BTRC: variants seen among roughly 807,000 people sequenced by gnomAD.
BTRC encodes the protein beta-transducin repeat containing E3 ubiquitin protein ligase.
Under a neutral mutation model 85.5 loss-of-function variants are expected in BTRC, and 42 were observed. That is an observed-to-expected ratio of 0.49 (90% CI 0.38 to 0.64). The LOEUF is 0.64. Ranked by LOEUF, BTRC falls within the 30% of genes least tolerant of loss-of-function variation. The pLI, the probability that BTRC is intolerant of heterozygous loss-of-function variation, is 0.00. For missense variants in BTRC, 594 were observed against 743.5 expected (o/e 0.80, Z 2.34); for synonymous variants, 255 against 263.3 (o/e 0.97, Z 0.30).
intron 1 of BTRC, among the ~76,000 whole-genome samples, chr10:101,405,575 G>A (rs1943600390): frequency 6.6e-6 from 1 of 152,106 alleles, no homozygotes; most frequent in Non-Finnish European, 1.5e-5. Context: ...GATACTGGAG[G>A]AATAATAAAA....
chr10:101,374,323 G>A (rs946820350), intron 1 of BTRC, among the ~76,000 whole-genome samples: 1 of 152,054 alleles, frequency 6.6e-6, no homozygotes, highest in Non-Finnish European at 1.5e-5. Context: ...GTGATGATGA[G>A]CATTTTTTCA....
At chr10:101,389,863 G>A (rs557996241) in intron 1 of BTRC, among the ~76,000 whole-genome samples, 5 of 152,110 alleles carry the variant, frequency 3.3e-5, no homozygotes, top group African/African-American at 9.6e-5. Flanking sequence ...GGGTTCAAGC[G>A]ATCTGTCTAC....
chr10:101,420,511 C>A (rs889572944), intron 1 of BTRC, among the ~76,000 whole-genome samples: 8 of 152,104 alleles, frequency 5.3e-5, no homozygotes, highest in African/African-American at 1.9e-4. Context: ...GCCATCCCCC[C>A]ACCCTCCACT....
intron 4 of BTRC, among the ~76,000 whole-genome samples, chr10:101,479,678 C>T (rs1284279689): frequency 6.6e-6 from 1 of 152,194 alleles, no homozygotes. Context: ...ACTCTTTAGA[C>T]TGATTCACAT....
chr10:101,354,515 A>G lies in BTRC; in HGVS notation c.48+287A>G, dbSNP rs549222168. 20 of 464,960 alleles carry G rather than the reference A, an allele frequency of 4.3e-5. No individual in the cohort carries two copies. In the South Asian group the frequency reaches 5.7e-4, roughly 13 times the overall value. The allele number at this position is 464,960 out of a possible 1,614,324, so 28.8% of individuals were successfully genotyped here. ...GGCGGCGCGCGGGGCCCTGGAGGGA[A>G]AGGGGCGTGGGGACTGTTACTGAAA... On this transcript the variant is annotated intron_variant, in intron 1 of 14. Transcript: ENST00000370187.
At chr10:101,459,596 A>G (rs969447637) in intron 2 of BTRC, among the ~76,000 whole-genome samples, 1 of 152,144 alleles carries the variant, frequency 6.6e-6, no homozygotes, top group African/African-American at 2.4e-5. Flanking sequence ...GGTTTCCCCC[A>G]TTTTTTGTTT....
chr10:101,427,116 T>TC (rs1201552894), intron 1 of BTRC, among the ~76,000 whole-genome samples: 15 of 59,082 alleles, frequency 2.5e-4, no homozygotes, highest in East Asian at 8.1e-4. Context: ...TTTCTTTCTT[T>TC]TTTTTTTTTT....
At chr10:101,474,837 G>A (rs559653498) in intron 3 of BTRC, among the ~76,000 whole-genome samples, 24 of 152,212 alleles carry the variant, frequency 1.6e-4, no homozygotes, top group South Asian at 4.1e-4. Flanking sequence ...CCCATTTTCC[G>A]TCTTTTTTAA....
At chr10:101,522,076 A>C (rs1255192378) in intron 5 of BTRC, among the ~76,000 whole-genome samples, 1 of 108,990 alleles carries the variant, frequency 9.2e-6, no homozygotes, top group Non-Finnish European at 1.7e-5. Flanking sequence ...CCTGTCGCCC[A>C]GGCTGGAATG....
At chr10:101,392,680 T>G (rs1564744780) in intron 1 of BTRC, among the ~76,000 whole-genome samples, 1 of 151,952 alleles carries the variant, frequency 6.6e-6, no homozygotes, top group African/African-American at 2.4e-5. Context: ...TTTTGTAGTT[T>G]TAGTAGAGAC....
chr10:101,354,144 G>T, upstream of BTRC: 17 of 1,547,992 alleles, frequency 1.1e-5, no homozygotes, highest in Non-Finnish European at 1.5e-5. Flanking sequence ...CAAAGGGGCG[G>T]CCCCGGCGGA....
At position 101,526,073 on chromosome 10, in the gene BTRC, G is replaced by C. The variant is rs374149155; in HGVS notation, c.617G>C (p.Cys206Ser). ...TCATACCTGGATGCCAAATCACTAT[G>C]TGCTGCTGAACTTGTGTGCAAGGAA... ...ILSYLDAKSL[C>S]AAELVCKEWY... The change falls in exon 6 of 15, where the codon TGT becomes TCT. Residue 206 changes from cysteine to serine, a missense_variant. Transcript: ENST00000370187. 3.7e-6 allele frequency: 6 copies of C among 1,614,026 alleles called. No homozygotes were observed. In the African/African-American group the frequency reaches 6.7e-5, roughly 18 times the overall value.
Position 101,555,865 on chromosome 10 carries a change from C to T in BTRC, c.*2742C>T, listed in dbSNP as rs781043254. The T allele has an allele frequency of 2.0e-5, 3 of 152,188 alleles. No individual in the cohort carries two copies. The highest frequency in any genetic ancestry group is 2.9e-5 in the Non-Finnish European group (2 of 68,034). The allele number at this position is 152,188 out of a possible 1,614,324, so 9.4% of individuals were successfully genotyped here. A position where few individuals can be genotyped will look rare whatever the true frequency, so the allele number is the denominator to read the frequency against. ...CTTTCTTAAAGACAGGCTGAAACCC[C>T]TTCAAAGGCAGATGAGGAGGTACAG... On this transcript the variant is annotated 3_prime_UTR_variant, in exon 15 of 15. Transcript: ENST00000370187.
rs1331619923 is a variant in BTRC, at chr10:101,521,696, G to T, written c.382G>T (p.Ala128Ser). 1.2e-6 allele frequency: 2 copies of T among 1,614,026 alleles called. No homozygotes were observed. The highest frequency in any genetic ancestry group is 1.7e-6 in the Non-Finnish European group (2 of 1,180,044). The change falls in exon 5 of 15, where the codon GCA becomes TCA. Residue 128 changes from alanine to serine, a missense_variant. Around this residue, in one of 4 missense-constraint regions of BTRC, gnomAD observed 163 missense variants for 180.5 expected, o/e 0.90. Coordinates refer to ENST00000370187, the MANE Select transcript of BTRC (RefSeq NM_033637.4). ...TGTGCCCAAGCAACGGAAACTCTCA[G>T]CAAGCTATGAAAAGGAAAAGGAACT... Reference protein sequence around the residue: ...MIVPKQRKLSASYEKEKELCV... With the variant: ...MIVPKQRKLSSSYEKEKELCV...
intron 1 of BTRC, among the ~76,000 whole-genome samples, chr10:101,411,541 T>C (rs1177887556): frequency 6.6e-6 from 1 of 152,226 alleles, no homozygotes; most frequent in African/African-American, 2.4e-5. Flanking sequence ...TCGGGTTCAC[T>C]GATCTTCTAC....
At chr10:101,461,520 A>G (rs1945225727) in intron 2 of BTRC, among the ~76,000 whole-genome samples, 1 of 152,206 alleles carries the variant, frequency 6.6e-6, no homozygotes. Context: ...ACTTTTATCA[A>G]AGAAAATAAA....
chr10:101,366,869 A>T (rs12413769), intron 1 of BTRC, among the ~76,000 whole-genome samples: 6,568 of 21,276 alleles, frequency 0.31, 1,880 homozygotes, highest in African/African-American at 0.61. Context: ...TTTATATATT[A>T]ATATATATTT....
Position 101,389,115 on chromosome 10 carries a change from G to GTTTTTTTTTTTTTTTTTTTTTTTTT in BTRC, c.48+34888_48+34889insTTTTTTTTTTTTTTTTTTTTTTTTT, listed in dbSNP as rs1471017781. ...ATGTTGCATAATTGTGATTTTTTGT[G>GTTTTTTTTTTTTTTTTTTTTTTTTT]TGTGTTTTTTTTTTTTTTTTTTTTT... On this transcript the variant is annotated intron_variant, in intron 1 of 14. Transcript: ENST00000370187. Among the ~76,000 whole-genome samples, 9 of 35,462 alleles carry GTTTTTTTTTTTTTTTTTTTTTTTTT rather than the reference G, an allele frequency of 2.5e-4. 3 individuals carry two copies. The highest frequency in any genetic ancestry group is 1.0e-3 in the Admixed American group (3 of 2,978). The allele number at this position is 35,462 out of a possible 152,430, so 23.3% of individuals were successfully genotyped here.
Position 101,535,355 on chromosome 10 carries a change from T to G in BTRC, c.1349T>G (p.Val450Gly), listed in dbSNP as rs768189890. 3.5e-5 allele frequency: 57 copies of G among 1,610,662 alleles called. No individual in the cohort carries two copies. Among genetic ancestry groups the G allele is most frequent in the Non-Finnish European group, 3.8e-5 (45 of 1,178,170 alleles). ...GCTCAATGCCATTTTCTTTTTCAGG[T>G]ATGGAACACAAGTACTTGTGAATTT... ...VSASGDRTIK[V>G]WNTSTCEFVR... Residue 450 changes from valine (V) to glycine (G), a missense_variant and splice_region_variant, in exon 11 of 15, where the codon GTA becomes GGA. Physicochemically the swap from Val to Gly is moderately radical, Grantham distance 109 (BLOSUM62 -3). Coordinates refer to ENST00000370187, the MANE Select transcript of BTRC (RefSeq NM_033637.4).
Sources: gnomAD v4.1 joint callset for allele counts (sites outside exome capture counted in the v4.1 genomes callset) on GRCh38, gnomAD v4.1.1 for gene constraint, gnomAD v4.1.1 regional missense constraint, MANE v1.5 for transcripts, NCBI Gene and HGNC (gene_info 2026-07-23, HGNC 2026-07-21) for gene names.